ZNF804A: variants seen among roughly 807,000 people sequenced by gnomAD.
ZNF804A encodes the protein zinc finger protein 804A.
Under a neutral mutation model 16.5 loss-of-function variants are expected in ZNF804A, and 2 were observed. The ratio of observed to expected loss-of-function variants is 0.12; its 90% CI spans 0.05 to 0.38. The LOEUF (loss-of-function observed/expected upper bound fraction) is 0.38. ZNF804A is among the 10% of genes least tolerant of loss of function. The probability of loss-of-function intolerance (pLI) is 0.99; values close to 1 mark genes in which losing one functional copy is unlikely to be tolerated. For missense variants in ZNF804A, 1,473 were observed against 1,390.7 expected, an observed-to-expected ratio of 1.06 and a Z score of -0.94; for synonymous variants, 534 against 489.6, an observed-to-expected ratio of 1.09 and a Z score of -1.20.
chr2:184,621,367 A>G (rs1178499519), intron 1 of ZNF804A, among the ~76,000 whole-genome samples: 1 of 151,714 alleles, frequency 6.6e-6, no homozygotes, highest in Non-Finnish European at 1.5e-5. Context: ...ATAATTATGT[A>G]TGTGCATGTA....
rs542284316 is a variant in ZNF804A at position 184,792,095 on chromosome 2, T to C, written c.112-74274T>C. 2.6e-5 allele frequency among the ~76,000 whole-genome samples: 4 copies of C among 152,320 alleles called. No individual in the cohort carries two copies. In the South Asian group the frequency reaches 8.3e-4, roughly 32 times the overall value. On this transcript the variant is annotated intron_variant, in intron 1 of 3. Transcript: ENST00000302277. ...TACTGAAGGATATACTTCCAAGTTT[T>C]GGCAATTATGAATAAAGCCACTATA...
chr2:184,909,516 G>A (rs1685325309), intron 2 of ZNF804A, among the ~76,000 whole-genome samples: 1 of 151,886 alleles, frequency 6.6e-6, no homozygotes, highest in Admixed American at 6.6e-5. Context: ...CAAATGAAAT[G>A]TCATCATATT....
intron 1 of ZNF804A, among the ~76,000 whole-genome samples, chr2:184,770,660 CAAGT>C: frequency 6.6e-6 from 1 of 151,944 alleles, no homozygotes; most frequent in Non-Finnish European, 1.5e-5. Flanking sequence ...AAATTATAAA[CAAGT>C]AAGATGACAT....
At chr2:184,622,696 C>A (rs1691438183) in intron 1 of ZNF804A, among the ~76,000 whole-genome samples, 1 of 151,722 alleles carries the variant, frequency 6.6e-6, no homozygotes, top group South Asian at 2.1e-4. Context: ...AAAAACAATA[C>A]AACAACATTG....
chr2:184,906,564 G>A (rs889209547), intron 2 of ZNF804A, among the ~76,000 whole-genome samples: 5 of 152,064 alleles, frequency 3.3e-5, no homozygotes, highest in African/African-American at 1.2e-4. Flanking sequence ...GCCTCTCAGA[G>A]TGCTGGGATT....
At chr2:184,926,158 C>T (rs1245349773) in intron 2 of ZNF804A, among the ~76,000 whole-genome samples, 1 of 152,106 alleles carries the variant, frequency 6.6e-6, no homozygotes, top group South Asian at 2.1e-4. Flanking sequence ...AACTGAAGCA[C>T]TCCCTTTAAC....
chr2:184,666,721 T>G (rs1388642255), intron 1 of ZNF804A, among the ~76,000 whole-genome samples: 2 of 152,028 alleles, frequency 1.3e-5, no homozygotes, highest in Admixed American at 1.3e-4. Context: ...GGGAGGCAAA[T>G]TAACTTGACA....
chr2:184,665,202 G>T (rs1017472173), intron 1 of ZNF804A, among the ~76,000 whole-genome samples: 1 of 152,082 alleles, frequency 6.6e-6, no homozygotes, highest in African/African-American at 2.4e-5. Context: ...CTTTTTAAAA[G>T]GTAGTACTAG....
intron 2 of ZNF804A, among the ~76,000 whole-genome samples, chr2:184,915,596 G>A (rs915854522): frequency 2.0e-5 from 3 of 152,086 alleles, no homozygotes; most frequent in Non-Finnish European, 4.4e-5. Context: ...CAATGCATGA[G>A]ACACTTCTGA....
chr2:184,898,021 C>T (rs971168844), intron 2 of ZNF804A, among the ~76,000 whole-genome samples: 8 of 152,026 alleles, frequency 5.3e-5, no homozygotes, highest in African/African-American at 1.9e-4. Flanking sequence ...GCTAAGACAG[C>T]TTTTTATTTT....
intron 2 of ZNF804A, among the ~76,000 whole-genome samples, chr2:184,917,160 A>G (rs1410191150): frequency 6.6e-6 from 1 of 152,164 alleles, no homozygotes; most frequent in Non-Finnish European, 1.5e-5. Context: ...AACCATCACA[A>G]GTTCACCTCC....
chr2:184,806,609 C>T (rs1694809233), intron 1 of ZNF804A, among the ~76,000 whole-genome samples: 1 of 151,706 alleles, frequency 6.6e-6, no homozygotes, highest in South Asian at 2.1e-4. Context: ...GTTTAATATA[C>T]AGTCACATTG....
chr2:184,892,480 G>GTTT (rs1574259380), intron 2 of ZNF804A, among the ~76,000 whole-genome samples: 1 of 85,514 alleles, frequency 1.2e-5, no homozygotes. Context: ...ACATTGTTGT[G>GTTT]TTCTTTTTTT....
chr2:184,929,511 G>A (rs1685662693), intron 2 of ZNF804A, among the ~76,000 whole-genome samples: 1 of 151,950 alleles, frequency 6.6e-6, no homozygotes, highest in South Asian at 2.1e-4. Context: ...GTATGTGTGA[G>A]TATGTAATAA....
intron 1 of ZNF804A, among the ~76,000 whole-genome samples, chr2:184,748,722 C>A (rs1370829450): frequency 6.6e-6 from 1 of 151,318 alleles, no homozygotes; most frequent in African/African-American, 2.4e-5. Flanking sequence ...TGTTTGAGGT[C>A]TTAAATTTAA....
chr2:184,865,354 T>C (rs904829323), intron 1 of ZNF804A, among the ~76,000 whole-genome samples: 2 of 151,900 alleles, frequency 1.3e-5, no homozygotes, highest in African/African-American at 4.8e-5. Context: ...TTTCCGTGTG[T>C]AAACTTTATT....
chr2:184,688,760 TA>T (rs967785719), intron 1 of ZNF804A, among the ~76,000 whole-genome samples: 1 of 152,150 alleles, frequency 6.6e-6, no homozygotes, highest in African/African-American at 2.4e-5. Context: ...GGAACATTTT[TA>T]AAAACTTAAA....
At position 184,598,673 on chromosome 2, in the gene ZNF804A, C is replaced by T. The variant is rs2105661961; in HGVS notation, c.-287C>T. ...CGGTTCCGTTTCGCCGGCCCGGCCC[C>T]CTCCTAGGCTGGAATCCTCCCGCGG... On this transcript the variant is annotated 5_prime_UTR_variant, in exon 1 of 4. Transcript: ENST00000302277. 4.4e-6 allele frequency: 1 copy of T among 228,128 alleles called. No individual in the cohort carries two copies. The highest frequency in any genetic ancestry group is 2.3e-5 in the African/African-American group (1 of 43,928). The allele number at this position is 228,128 out of a possible 1,614,324, so 14.1% of individuals were successfully genotyped here.
At chr2:184,853,006 G>T (rs1443717545) in intron 1 of ZNF804A, among the ~76,000 whole-genome samples, 1 of 151,594 alleles carries the variant, frequency 6.6e-6, no homozygotes, top group East Asian at 1.9e-4. Context: ...TAATAGAGGT[G>T]CCATTTAATC....
Sources: gnomAD v4.1 joint callset for allele counts (sites outside exome capture counted in the v4.1 genomes callset) on GRCh38, gnomAD v4.1.1 for gene constraint, MANE v1.5 for transcripts, NCBI Gene and HGNC (gene_info 2026-07-23, HGNC 2026-07-21) for gene names.